Variants in GPR137C observed in about 807,000 individuals in gnomAD.
The protein encoded by GPR137C is integral membrane protein GPR137C.
GPR137C carries 27 observed loss-of-function variants against 43.4 expected under a neutral mutation model. The observed-to-expected ratio is 0.62, with a 90% confidence interval of 0.46 to 0.86. The LOEUF (loss-of-function observed/expected upper bound fraction) is 0.86, where lower values mean the gene tolerates loss of function less well. Ranked by LOEUF, GPR137C falls within the 40% of genes least tolerant of loss-of-function variation. The probability of loss-of-function intolerance (pLI) is 0.00; values close to 1 mark genes in which losing one functional copy is unlikely to be tolerated. For missense variants in GPR137C, 522 were observed against 534.6 expected (o/e 0.98, Z 0.23); for synonymous variants, 285 against 226.9 (o/e 1.26, Z -2.30).
chr14:52,629,563 A>G (rs567144503), intron 3 of GPR137C, among the ~76,000 whole-genome samples: 1 of 152,194 alleles, frequency 6.6e-6, no homozygotes, highest in Non-Finnish European at 1.5e-5. Context: ...TCTCAGAAAC[A>G]TTCTGCAGAG....
At chr14:52,608,906 CT>C (rs1039510626) in intron 3 of GPR137C, among the ~76,000 whole-genome samples, 1 of 152,072 alleles carries the variant, frequency 6.6e-6, no homozygotes, top group Admixed American at 6.6e-5. Flanking sequence ...CTTAGAGTAT[CT>C]TTACTTGGAC....
chr14:52,570,580 A>C (rs190603433), intron 1 of GPR137C, among the ~76,000 whole-genome samples: 1 of 152,194 alleles, frequency 6.6e-6, no homozygotes, highest in Admixed American at 6.5e-5. Flanking sequence ...AGACCCATTG[A>C]TGTCCTATAT....
chr14:52,559,435 TG>T (rs1232215076), intron 1 of GPR137C, among the ~76,000 whole-genome samples: 1 of 152,150 alleles, frequency 6.6e-6, no homozygotes, highest in African/African-American at 2.4e-5. Context: ...ATATGTGTAG[TG>T]TAAAGCAGAA....
intron 1 of GPR137C, among the ~76,000 whole-genome samples, chr14:52,588,922 A>G (rs989715603): frequency 2.0e-5 from 3 of 152,240 alleles, no homozygotes; most frequent in Non-Finnish European, 4.4e-5. Context: ...TGAAAATCAT[A>G]TATAGAACAT....
chr14:52,635,684 A>G lies in GPR137C; in HGVS notation c.*569A>G, dbSNP rs530482140. ...ATTTTAAAATAGCAACTGAAATTCA[A>G]TCATTTTAAACAAATGATGGTAGTA... is the stretch of plus-strand genomic sequence containing the variant. On this transcript the variant is annotated 3_prime_UTR_variant, in exon 7 of 7. Coordinates refer to ENST00000321662, the MANE Select transcript of GPR137C (RefSeq NM_001099652.2). 1 of 152,296 alleles carries G rather than the reference A, an allele frequency of 6.6e-6. No homozygotes were observed. Among genetic ancestry groups the G allele is most frequent in the East Asian group, 1.9e-4 (1 of 5,194 alleles). 9.4% of individuals were successfully genotyped at this position (152,296 alleles called of 1,614,324 possible).
At chr14:52,583,668 A>G (rs2038677134) in intron 1 of GPR137C, among the ~76,000 whole-genome samples, 2 of 152,172 alleles carry the variant, frequency 1.3e-5, no homozygotes. Flanking sequence ...ACTACTTACT[A>G]ATATTATACC....
chr14:52,624,420 A>C (rs973974830), intron 3 of GPR137C, among the ~76,000 whole-genome samples: 2 of 152,078 alleles, frequency 1.3e-5, no homozygotes, highest in Non-Finnish European at 2.9e-5. Flanking sequence ...GAGTGTGTGG[A>C]GTAGGAAAAA....
intron 1 of GPR137C, among the ~76,000 whole-genome samples, chr14:52,594,420 G>A (rs2038824573): frequency 6.6e-6 from 1 of 152,168 alleles, no homozygotes; most frequent in Non-Finnish European, 1.5e-5. Context: ...TATTGACAGT[G>A]GGGTGTTAAA....
At chr14:52,598,401 A>C in intron 2 of GPR137C, 86 bp downstream of exon 2, 8 of 578,362 alleles carry the variant, frequency 1.4e-5, no homozygotes, top group Non-Finnish European at 2.4e-5. Context: ...TAAAAGATCT[A>C]ATTTTTTTTA....
rs2039355183 is a variant in GPR137C, at chr14:52,636,578, A to G, written c.*1463A>G. 6.6e-6 allele frequency: 1 copy of G among 152,132 alleles called. No individual in the cohort carries two copies. Among genetic ancestry groups the G allele is most frequent in the Non-Finnish European group, 1.5e-5 (1 of 67,980 alleles). 9.4% of individuals were successfully genotyped at this position (152,132 alleles called of 1,614,324 possible). A position where few individuals can be genotyped will look rare whatever the true frequency, so the allele number is the denominator to read the frequency against. Reference sequence around the variant, plus strand: ...AATGTTATTTCCTCGCTTACTTAAAATGTACTTCAACTTTTTAACAACTGA... The same window carrying G: ...AATGTTATTTCCTCGCTTACTTAAAGTGTACTTCAACTTTTTAACAACTGA... On this transcript the variant is annotated 3_prime_UTR_variant, in exon 7 of 7. Transcript: ENST00000321662.
intron 3 of GPR137C, among the ~76,000 whole-genome samples, chr14:52,601,384 T>A (rs1483710451): frequency 6.6e-6 from 1 of 152,124 alleles, no homozygotes; most frequent in Non-Finnish European, 1.5e-5. Context: ...GTACTATAAT[T>A]AAATATATGG....
intron 1 of GPR137C, among the ~76,000 whole-genome samples, chr14:52,562,652 T>C (rs2038303740): frequency 6.6e-6 from 1 of 152,142 alleles, no homozygotes; most frequent in South Asian, 2.1e-4. Context: ...TTTAAAACAG[T>C]TATGAACAAC....
At position 52,587,873 on chromosome 14, in the gene GPR137C, C is replaced by T. The variant is rs553116298; in HGVS notation, c.445-10399C>T. ...GAAGGTGGAGCTAGGCAATAAAAAA[C>T]CTTTTATGTATTAAAGGAGTGTGGA... On this transcript the variant is annotated intron_variant, in intron 1 of 6. Transcript: ENST00000321662. Among the ~76,000 whole-genome samples the T allele has an allele frequency of 1.3e-4, 20 of 152,278 alleles. 1 individual carries two copies. The South Asian group carries it at 3.9e-3, about 30-fold the overall frequency.
intron 1 of GPR137C, among the ~76,000 whole-genome samples, chr14:52,556,133 A>G (rs1410009895): frequency 2.0e-5 from 3 of 152,114 alleles, no homozygotes; most frequent in Non-Finnish European, 4.4e-5. Context: ...ACTTTTTTGA[A>G]TAGTCGTGTG....
intron 1 of GPR137C, among the ~76,000 whole-genome samples, chr14:52,587,492 C>T (rs1310674834): frequency 2.0e-5 from 3 of 152,182 alleles, no homozygotes; most frequent in Non-Finnish European, 2.9e-5. Flanking sequence ...ATGACCAGGC[C>T]AAGTGCAGTG....
chr14:52,559,484 T>G (rs1279452900), intron 1 of GPR137C, among the ~76,000 whole-genome samples: 1 of 152,162 alleles, frequency 6.6e-6, no homozygotes, highest in Non-Finnish European at 1.5e-5. Context: ...GAAAGAAGAA[T>G]TTGACAAAAT....
intron 1 of GPR137C, among the ~76,000 whole-genome samples, chr14:52,572,742 G>A (rs1162362918): frequency 1.3e-5 from 2 of 152,086 alleles, no homozygotes; most frequent in African/African-American, 4.8e-5. Context: ...GGAAGTTCTG[G>A]CCAGGACAAT....
chr14:52,613,963 TCC>T (rs1333915954), intron 3 of GPR137C, among the ~76,000 whole-genome samples: 1 of 152,182 alleles, frequency 6.6e-6, no homozygotes, highest in Non-Finnish European at 1.5e-5. Context: ...TAATTTACAT[TCC>T]CACCAACAGT....
chr14:52,553,203 A>G lies in GPR137C; in HGVS notation c.56A>G (p.Glu19Gly), dbSNP rs2038110550. ...AAAAAPAAGR[E>G]PSTPGGGSGG... ...GCTGCCGCCCCCGCAGCCGGCCGCG[A>G]GCCCTCCACGCCCGGCGGGGGCAGC... is the stretch of plus-strand genomic sequence containing the variant. The change falls in exon 1 of 7, where the codon GAG (glutamate) becomes GGG (glycine). Residue 19 changes from glutamate (E) to glycine (G), a missense_variant. Physicochemically the swap from Glu to Gly is moderately conservative, Grantham distance 98. Around this residue, in one of 3 missense-constraint regions of GPR137C, gnomAD observed 437 missense variants for 425.7 expected, o/e 1.03. Transcript: ENST00000321662. 5 of 1,220,206 alleles carry G rather than the reference A, an allele frequency of 4.1e-6. No individual in the cohort carries two copies. The highest frequency in any genetic ancestry group is 5.1e-6 in the Non-Finnish European group (5 of 981,284). The allele number at this position is 1,220,206 out of a possible 1,614,324, so 75.6% of individuals were successfully genotyped here. A position where few individuals can be genotyped will look rare whatever the true frequency, so the allele number is the denominator to read the frequency against.
Sources: allele counts gnomAD v4.1 joint callset (sites outside exome capture counted in the v4.1 genomes callset), GRCh38; gene constraint gnomAD v4.1.1; regional missense constraint gnomAD v4.1.1; transcripts MANE v1.5; gene names NCBI Gene and HGNC (gene_info 2026-07-23, HGNC 2026-07-21).